The following COMMD10 variants were observed in gnomAD, a reference collection of about 807,000 sequenced individuals.
COMMD10 encodes the protein COMM domain-containing protein 10.
COMMD10 carries 33 observed loss-of-function variants against 28.9 expected under a neutral mutation model. The observed-to-expected ratio is 1.14, with a 90% confidence interval of 0.87 to 1.53. The LOEUF (loss-of-function observed/expected upper bound fraction) is 1.53. COMMD10 is among the 40% of genes most tolerant of loss of function. COMMD10 has a pLI of 0.00. For missense variants in COMMD10, 310 were observed against 233.4 expected (o/e 1.33, Z -2.14); for synonymous variants, 110 against 81.7 (o/e 1.35, Z -1.87).
chr5:116,146,628 G>A (rs191924712), intron 5 of COMMD10, among the ~76,000 whole-genome samples: 71 of 151,964 alleles, frequency 4.7e-4, no homozygotes, highest in African/African-American at 1.7e-3. Flanking sequence ...GTTTAAATAA[G>A]ATTTTAAGCA....
At chr5:116,089,036 A>G (rs1415217087) in intron 2 of COMMD10, among the ~76,000 whole-genome samples, 1 of 152,236 alleles carries the variant, frequency 6.6e-6, no homozygotes, top group East Asian at 1.9e-4. Flanking sequence ...TAAGTCTTCT[A>G]TAATATATTC....
rs1020826436 is a variant in COMMD10 at position 116,269,764 on chromosome 5, A to T, written c.511-21753A>T. On this transcript the variant is annotated intron_variant, in intron 5 of 6. Coordinates refer to ENST00000274458, the MANE Select transcript of COMMD10 (RefSeq NM_016144.4). ...ATTTTGGTTGCTGAGGTTGTAAGCC[A>T]TCTTGGTTTGCTTACATGTAGGTTA... is the stretch of plus-strand genomic sequence containing the variant. Among the ~76,000 whole-genome samples, 19 of 151,778 alleles carry T rather than the reference A, an allele frequency of 1.3e-4. 1 individual carries two copies. Among genetic ancestry groups the T allele is most frequent in the African/African-American group, 4.4e-4 (18 of 41,146 alleles).
chr5:116,177,418 T>C (rs1753551879), intron 5 of COMMD10, among the ~76,000 whole-genome samples: 1 of 152,084 alleles, frequency 6.6e-6, no homozygotes, highest in Non-Finnish European at 1.5e-5. Flanking sequence ...ACTGCATTAT[T>C]CTCCTAATTT....
intron 4 of COMMD10, among the ~76,000 whole-genome samples, chr5:116,116,583 T>C (rs1751239122): frequency 6.6e-6 from 1 of 152,260 alleles, no homozygotes; most frequent in Admixed American, 6.5e-5. Context: ...CGGTATGTTA[T>C]GTAAAAGGCA....
chr5:116,241,464 A>G (rs966177088), intron 5 of COMMD10, among the ~76,000 whole-genome samples: 2 of 152,080 alleles, frequency 1.3e-5, no homozygotes, highest in African/African-American at 4.8e-5. Context: ...TACTGACACA[A>G]CCTTTACTAA....
chr5:116,182,762 T>A (rs1313461065), intron 5 of COMMD10, among the ~76,000 whole-genome samples: 1 of 152,128 alleles, frequency 6.6e-6, no homozygotes. Context: ...ATGATTGATA[T>A]GGTTTGGCTG....
intron 5 of COMMD10, among the ~76,000 whole-genome samples, chr5:116,153,756 C>A (rs1752613927): frequency 6.6e-6 from 1 of 152,046 alleles, no homozygotes; most frequent in African/African-American, 2.4e-5. Flanking sequence ...CTCTAATAAA[C>A]CCTATTCTTT....
At position 116,122,725 on chromosome 5, in the gene COMMD10, T is replaced by G. The variant is rs1322183924; in HGVS notation, c.400-11343T>G. Among the ~76,000 whole-genome samples, 3 of 152,308 alleles carry G rather than the reference T, an allele frequency of 2.0e-5. No individual in the cohort carries two copies. The East Asian group carries it at 5.8e-4, about 29-fold the overall frequency. On this transcript the variant is annotated intron_variant, in intron 4 of 6. Coordinates refer to ENST00000274458, the MANE Select transcript of COMMD10 (RefSeq NM_016144.4). ...CCTTGTAAGCTGGATTCCTAGGTAT[T>G]TTATTCTCTTTGAAGCAATTGTGAA...
chr5:116,234,970 C>T (rs1438302179), intron 5 of COMMD10, among the ~76,000 whole-genome samples: 3 of 152,112 alleles, frequency 2.0e-5, no homozygotes, highest in Admixed American at 6.6e-5. Flanking sequence ...TTTCATTTTA[C>T]GGAAAACCTT....
rs141081560 is a variant in COMMD10 at position 116,248,490 on chromosome 5, G to A, written c.511-43027G>A. Reference sequence around the variant, plus strand: ...AGGAGAGAGTAAAGCCCTTAGTGCTGATCTATGCCAGGTGTGCGAGACCCT... The same window carrying A: ...AGGAGAGAGTAAAGCCCTTAGTGCTAATCTATGCCAGGTGTGCGAGACCCT... On this transcript the variant is annotated intron_variant, in intron 5 of 6. Transcript: ENST00000274458. 2.0e-3 allele frequency among the ~76,000 whole-genome samples: 305 copies of A among 152,098 alleles called. 2 individuals carry two copies. Among genetic ancestry groups the A allele is most frequent in the African/African-American group, 7.0e-3 (290 of 41,528 alleles).
rs998816297 is a variant in COMMD10 at position 116,293,012 on chromosome 5, G to A, written c.*523G>A. The A allele has an allele frequency of 2.5e-6, 1 of 397,282 alleles. No homozygotes were observed. Among genetic ancestry groups the A allele is most frequent in the African/African-American group, 2.1e-5 (1 of 48,564 alleles). 24.6% of individuals were successfully genotyped at this position (397,282 alleles called of 1,614,324 possible). A position where few individuals can be genotyped will look rare whatever the true frequency, so the allele number is the denominator to read the frequency against. ...ATAGGAAGGAAATGTAAAATAGTGA[G>A]TAGTATGGTATCAGTTAATTCCAGT... On this transcript the variant is annotated 3_prime_UTR_variant, in exon 7 of 7. Transcript: ENST00000274458.
rs186026612 is a variant in COMMD10, at chr5:116,153,328, A to G, written c.510+19150A>G. On this transcript the variant is annotated intron_variant, in intron 5 of 6. Transcript: ENST00000274458. ...AGGCTCATTTGGAGGCTGAGGGGGC[A>G]TCTGATTTCTTCATAATATTATATA... 4.3e-3 allele frequency among the ~76,000 whole-genome samples: 656 copies of G among 152,076 alleles called. 2 individuals carry two copies. Among genetic ancestry groups the G allele is most frequent in the African/African-American group, 6.8e-3 (281 of 41,496 alleles).
chr5:116,258,210 C>T lies in COMMD10; in HGVS notation c.511-33307C>T, dbSNP rs144744191. The stretch of plus-strand genomic sequence containing the variant: ...ATACATCCAAAACCTTTTCTCTTAC[C>T]GAATTTCAATACTCTTTTCTAACAA... On this transcript the variant is annotated intron_variant, in intron 5 of 6. Transcript: ENST00000274458. 7.6e-4 allele frequency among the ~76,000 whole-genome samples: 115 copies of T among 151,654 alleles called. 4 individuals are homozygous for T. Among genetic ancestry groups the T allele is most frequent in the African/African-American group, 2.7e-3 (110 of 41,198 alleles).
At chr5:116,255,163 C>T (rs1284251400) in intron 5 of COMMD10, among the ~76,000 whole-genome samples, 1 of 151,738 alleles carries the variant, frequency 6.6e-6, no homozygotes, top group Non-Finnish European at 1.5e-5. Context: ...AGATCTTCCT[C>T]CATCCTTTTA....
chr5:116,152,592 G>A (rs537725632), intron 5 of COMMD10, among the ~76,000 whole-genome samples: 4 of 152,210 alleles, frequency 2.6e-5, no homozygotes, highest in Admixed American at 2.0e-4. Flanking sequence ...TTTGTTAAAA[G>A]AGGAAGTGAA....
chr5:116,187,241 A>G (rs1580532575), intron 5 of COMMD10, among the ~76,000 whole-genome samples: 2 of 152,164 alleles, frequency 1.3e-5, no homozygotes, highest in Non-Finnish European at 2.9e-5. Flanking sequence ...TATGAAACTT[A>G]TAATTAGGAA....
intron 5 of COMMD10, among the ~76,000 whole-genome samples, chr5:116,195,280 C>T (rs1748481146): frequency 6.6e-6 from 1 of 152,102 alleles, no homozygotes; most frequent in Non-Finnish European, 1.5e-5. Flanking sequence ...ACTCTCCCTA[C>T]TCCTCTTCAG....
At chr5:116,152,186 C>T (rs138536135) in intron 5 of COMMD10, among the ~76,000 whole-genome samples, 8,046 of 152,152 alleles carry the variant, frequency 0.053, 292 homozygotes, top group East Asian at 0.14. Context: ...TTTCTTAATC[C>T]TGAGTTCTAG....
chr5:116,291,579 C>A lies in COMMD10; in HGVS notation c.570+3C>A. 2 of 1,519,296 alleles carry A rather than the reference C, an allele frequency of 1.3e-6. No homozygotes were observed. Among genetic ancestry groups the A allele is most frequent in the Non-Finnish European group, 1.8e-6 (2 of 1,112,234 alleles). The allele number at this position is 1,519,296 out of a possible 1,614,324, so 94.1% of individuals were successfully genotyped here. A position where few individuals can be genotyped will look rare whatever the true frequency, so the allele number is the denominator to read the frequency against. On this transcript the variant is annotated splice_donor_region_variant and intron_variant, in intron 6 of 6. Coordinates refer to ENST00000274458, the MANE Select transcript of COMMD10 (RefSeq NM_016144.4). ...AGTTGTTTGATTTCTATAACAAGGT[C>A]TGTATTTTTAAAATAATTTTCTAAT...
Sources: allele counts gnomAD v4.1 joint callset (sites outside exome capture counted in the v4.1 genomes callset), GRCh38; gene constraint gnomAD v4.1.1; transcripts MANE v1.5; gene names NCBI Gene and HGNC (gene_info 2026-07-23, HGNC 2026-07-21).